GPC5: variants seen among roughly 807,000 people sequenced by gnomAD.
GPC5 encodes glypican-5.
GPC5 carries 47 observed loss-of-function variants against 53.9 expected under a neutral mutation model. That is an observed-to-expected ratio of 0.87 (90% CI 0.69 to 1.11). The LOEUF is 1.11. Ranked by LOEUF, GPC5 falls within the 50% of genes most tolerant of loss-of-function variation. GPC5 has a pLI of 0.00. For missense variants in GPC5, 748 were observed against 713.1 expected (o/e 1.05, Z -0.56); for synonymous variants, 286 against 263.3 (o/e 1.09, Z -0.84).
intron 6 of GPC5, among the ~76,000 whole-genome samples, chr13:91,936,632 T>C (rs1456877590): frequency 1.3e-5 from 2 of 152,064 alleles, no homozygotes; most frequent in Non-Finnish European, 2.9e-5. Context: ...CATGTTCCAT[T>C]GTTTAGAGAG....
At chr13:91,496,832 T>C (rs1184273365) in intron 2 of GPC5, among the ~76,000 whole-genome samples, 1 of 152,208 alleles carries the variant, frequency 6.6e-6, no homozygotes, top group Non-Finnish European at 1.5e-5. Flanking sequence ...TACCCCATTT[T>C]CCATGATGTG....
intron 7 of GPC5, among the ~76,000 whole-genome samples, chr13:92,623,138 C>A (rs1229002965): frequency 2.1e-4 from 31 of 151,140 alleles, no homozygotes; most frequent in Non-Finnish European, 4.3e-4. Context: ...TGCACTCCAG[C>A]CTGGGTGACA....
chr13:91,926,296 G>A (rs2039766772), intron 6 of GPC5, among the ~76,000 whole-genome samples: 1 of 150,600 alleles, frequency 6.6e-6, no homozygotes, highest in South Asian at 2.1e-4. Flanking sequence ...GGGAGGCAGA[G>A]GTTGCAGTGA....
At chr13:92,598,898 T>C (rs1462321358) in intron 7 of GPC5, among the ~76,000 whole-genome samples, 1 of 152,146 alleles carries the variant, frequency 6.6e-6, no homozygotes, top group African/African-American at 2.4e-5. Context: ...GCACCTGTAA[T>C]CCCAGCTACT....
intron 7 of GPC5, among the ~76,000 whole-genome samples, chr13:92,798,582 G>A (rs1876787844): frequency 6.6e-6 from 1 of 151,806 alleles, no homozygotes; most frequent in South Asian, 2.1e-4. Flanking sequence ...AAGGCATTCA[G>A]ATAGGAATAT....
chr13:91,954,121 A>G (rs2040051956), intron 6 of GPC5, among the ~76,000 whole-genome samples: 1 of 152,188 alleles, frequency 6.6e-6, no homozygotes, highest in African/African-American at 2.4e-5. Flanking sequence ...AAAAGATACA[A>G]TTCCATAAGG....
intron 6 of GPC5, among the ~76,000 whole-genome samples, chr13:92,091,900 T>A (rs1185869571): frequency 1.3e-5 from 2 of 152,212 alleles, no homozygotes; most frequent in Non-Finnish European, 2.9e-5. Context: ...GTTAACAATC[T>A]TTCATTTTCC....
intron 2 of GPC5, among the ~76,000 whole-genome samples, chr13:91,541,227 T>A (rs1308291621): frequency 6.6e-6 from 1 of 152,180 alleles, no homozygotes; most frequent in South Asian, 2.1e-4. Context: ...TGCTACATAT[T>A]TTTTGTTCTT....
Position 92,570,052 on chromosome 13 carries a change from G to C in GPC5, c.1562-296230G>C, listed in dbSNP as rs139881763. 8.5e-3 allele frequency among the ~76,000 whole-genome samples: 1,288 copies of C among 152,178 alleles called. 15 individuals are homozygous for C. The highest frequency in any genetic ancestry group is 0.029 in the African/African-American group (1,206 of 41,522). On this transcript the variant is annotated intron_variant, in intron 7 of 7. Transcript: ENST00000377067. ...TCGATCCTCTATTACCAATGACTGTGTAGAACCATCTGCTTGAATGATTTT... is the reference window on the plus strand; with the variant it reads ...TCGATCCTCTATTACCAATGACTGTCTAGAACCATCTGCTTGAATGATTTT...
At chr13:92,300,399 TC>T (rs961807570) in intron 7 of GPC5, among the ~76,000 whole-genome samples, 1 of 152,166 alleles carries the variant, frequency 6.6e-6, no homozygotes, top group African/African-American at 2.4e-5. Context: ...GATTTTAGGC[TC>T]CATCATCAGT....
chr13:91,851,054 G>C lies in GPC5; in HGVS notation c.1281-56883G>C, dbSNP rs573789545. 2.7e-3 allele frequency among the ~76,000 whole-genome samples: 407 copies of C among 152,214 alleles called. 1 individual carries two copies. Among genetic ancestry groups the C allele is most frequent in the Non-Finnish European group, 3.9e-3 (268 of 67,988 alleles). ...AATATGATGATAAAGAATATGGAAG[G>C]CACTACAAATGCACATAAAAGGGCC... is the stretch of plus-strand genomic sequence containing the variant. On this transcript the variant is annotated intron_variant, in intron 5 of 7. Coordinates refer to ENST00000377067, the MANE Select transcript of GPC5 (RefSeq NM_004466.6).
intron 7 of GPC5, among the ~76,000 whole-genome samples, chr13:92,503,115 C>G (rs1399307686): frequency 6.6e-6 from 1 of 151,854 alleles, no homozygotes; most frequent in East Asian, 1.9e-4. Flanking sequence ...GTGCAGAAAA[C>G]AAGGAACAAC....
intron 5 of GPC5, among the ~76,000 whole-genome samples, chr13:91,837,260 A>G (rs2038731755): frequency 6.6e-6 from 1 of 151,950 alleles, no homozygotes. Context: ...CTGTTTTCAA[A>G]GGACCAAAAA....
chr13:92,353,236 T>A (rs1292054949), intron 7 of GPC5, among the ~76,000 whole-genome samples: 8 of 128,682 alleles, frequency 6.2e-5, no homozygotes, highest in African/African-American at 1.5e-4. Context: ...GTCCGCAGTC[T>A]GGCCTGGGCG....
At chr13:92,361,962 T>C (rs1044757277) in intron 7 of GPC5, among the ~76,000 whole-genome samples, 9 of 151,582 alleles carry the variant, frequency 5.9e-5, no homozygotes, top group African/African-American at 2.2e-4. Flanking sequence ...AATTCAAATT[T>C]TGACTTTTTT....
At chr13:92,137,898 C>T (rs184375952) in intron 6 of GPC5, among the ~76,000 whole-genome samples, 4 of 152,212 alleles carry the variant, frequency 2.6e-5, no homozygotes, top group African/African-American at 9.6e-5. Flanking sequence ...TTATCAAACC[C>T]TAATGTAAAC....
rs980849397 is a variant in GPC5 at position 92,778,924 on chromosome 13, C to T, written c.1562-87358C>T. Among the ~76,000 whole-genome samples the T allele has an allele frequency of 4.0e-4, 61 of 151,862 alleles. 2 individuals carry two copies. The highest frequency in any genetic ancestry group is 4.6e-4 in the Admixed American group (7 of 15,228). ...GCATAATTTTCCACTAAGTGTTATT[C>T]CTCATAATGCTTGTTGCTTGTGTAT... On this transcript the variant is annotated intron_variant, in intron 7 of 7. Transcript: ENST00000377067.
At chr13:92,353,232 A>C (rs1355372885) in intron 7 of GPC5, among the ~76,000 whole-genome samples, 1 of 135,518 alleles carries the variant, frequency 7.4e-6, no homozygotes, top group East Asian at 2.3e-4. Flanking sequence ...TGCAGTCCGC[A>C]GTCTGGCCTG....
At chr13:91,930,847 A>G (rs1181862534) in intron 6 of GPC5, among the ~76,000 whole-genome samples, 1 of 152,078 alleles carries the variant, frequency 6.6e-6, no homozygotes, top group Non-Finnish European at 1.5e-5. Context: ...CTCCTCTCAC[A>G]ATTTTACATT....
Sources: gnomAD v4.1 joint callset for allele counts (sites outside exome capture counted in the v4.1 genomes callset) on GRCh38, gnomAD v4.1.1 for gene constraint, MANE v1.5 for transcripts, NCBI Gene and HGNC (gene_info 2026-07-23, HGNC 2026-07-21) for gene names.